GRIK1: variants seen among roughly 807,000 people sequenced by gnomAD.
GRIK1 encodes glutamate ionotropic receptor kainate type subunit 1.
Under a neutral mutation model 105.7 loss-of-function variants are expected in GRIK1, and 69 were observed. That is an observed-to-expected ratio of 0.65 (90% CI 0.54 to 0.80). The LOEUF (loss-of-function observed/expected upper bound fraction) is 0.80, where lower values mean the gene tolerates loss of function less well. GRIK1 is among the 30% of genes least tolerant of loss of function. The pLI is 0.00. For synonymous variants in GRIK1, 438 were observed against 431.3 expected (o/e 1.02, Z -0.19); for missense variants, 1,109 against 1,167.3 (o/e 0.95, Z 0.73).
chr21:29,891,437 A>G (rs530446312), intron 1 of GRIK1, among the ~76,000 whole-genome samples: 5 of 152,358 alleles, frequency 3.3e-5, no homozygotes, highest in African/African-American at 1.2e-4. Context: ...TTATAATCAC[A>G]ATGATAGCCT....
intron 7 of GRIK1, among the ~76,000 whole-genome samples, chr21:29,621,785 G>A (rs997451703): frequency 6.6e-6 from 1 of 152,072 alleles, no homozygotes; most frequent in African/African-American, 2.4e-5. Flanking sequence ...AAAATATAGT[G>A]CCCCACAGTA....
Position 29,858,836 on chromosome 21 carries a change from C to G in GRIK1, c.118+80547G>C, listed in dbSNP as rs577748724. Reference sequence around the variant, plus strand: ...CTGGCAGTCTCAGAAGTCATATACTCAAGGGGCCAAACACACAACTTCTTT... The same window carrying G: ...CTGGCAGTCTCAGAAGTCATATACTGAAGGGGCCAAACACACAACTTCTTT... On this transcript the variant is annotated intron_variant, in intron 1 of 17. Transcript: ENST00000327783. 7.0e-4 allele frequency among the ~76,000 whole-genome samples: 106 copies of G among 151,890 alleles called. 1 individual carries two copies. The highest frequency in any genetic ancestry group is 2.4e-3 in the African/African-American group (101 of 41,420).
intron 2 of GRIK1, among the ~76,000 whole-genome samples, chr21:29,691,654 A>C (rs1231769048): frequency 6.6e-6 from 1 of 152,232 alleles, no homozygotes; most frequent in Non-Finnish European, 1.5e-5. Flanking sequence ...CAAATTTAGA[A>C]CGGTCATCAG....
intron 1 of GRIK1, among the ~76,000 whole-genome samples, chr21:29,785,561 CAAA>C (rs950219193): frequency 1.5e-3 from 85 of 58,020 alleles, no homozygotes; most frequent in Non-Finnish European, 1.9e-3. Flanking sequence ...GAGACTGTCT[CAAA>C]AAAAAAAAAA....
intron 1 of GRIK1, among the ~76,000 whole-genome samples, chr21:29,860,350 G>C (rs763423868): frequency 6.6e-6 from 1 of 152,184 alleles, no homozygotes; most frequent in South Asian, 2.1e-4. Context: ...TCTGTCTTTT[G>C]GCTCAAGACA....
chr21:29,565,982 G>A (rs992489348), intron 14 of GRIK1, among the ~76,000 whole-genome samples: 2 of 152,140 alleles, frequency 1.3e-5, no homozygotes, highest in African/African-American at 2.4e-5. Context: ...TGCATGCCAC[G>A]CTCAGTAATG....
chr21:29,763,185 A>G (rs1167469067), intron 1 of GRIK1, among the ~76,000 whole-genome samples: 3 of 152,146 alleles, frequency 2.0e-5, no homozygotes, highest in African/African-American at 4.8e-5. Flanking sequence ...TCTCATGATA[A>G]TGCAGGAGTT....
At chr21:29,705,296 A>G (rs2063883564) in intron 1 of GRIK1, among the ~76,000 whole-genome samples, 1 of 152,204 alleles carries the variant, frequency 6.6e-6, no homozygotes, top group African/African-American at 2.4e-5. Context: ...TCTTATACAT[A>G]GAGAGTTTAG....
intron 7 of GRIK1, chr21:29,630,613 A>G (rs545326551): frequency 1.5e-5 from 7 of 471,258 alleles, no homozygotes; most frequent in Admixed American, 1.4e-4. Flanking sequence ...AGGACCTTGA[A>G]CCTAGAATGA....
At chr21:29,741,312 A>T (rs1330708371) in intron 1 of GRIK1, among the ~76,000 whole-genome samples, 2 of 152,216 alleles carry the variant, frequency 1.3e-5, no homozygotes, top group African/African-American at 4.8e-5. Context: ...ATGTTCAATC[A>T]TTGACAGGTT....
intron 6 of GRIK1, among the ~76,000 whole-genome samples, chr21:29,645,369 G>A (rs1011620480): frequency 6.6e-6 from 1 of 152,068 alleles, no homozygotes; most frequent in Non-Finnish European, 1.5e-5. Flanking sequence ...TTGAAAATTC[G>A]TATGTGTTTT....
chr21:29,805,422 A>G (rs1476576278), intron 1 of GRIK1, among the ~76,000 whole-genome samples: 1 of 152,138 alleles, frequency 6.6e-6, no homozygotes, highest in Non-Finnish European at 1.5e-5. Context: ...CTGATTCACC[A>G]TGAACTTCCA....
At chr21:29,937,851 G>C (rs886830969) in intron 1 of GRIK1, among the ~76,000 whole-genome samples, 41 of 151,206 alleles carry the variant, frequency 2.7e-4, no homozygotes, top group African/African-American at 9.0e-4. Context: ...AAAAACCCAG[G>C]ATGTTAAACC....
chr21:29,877,233 T>A (rs1250934992), intron 1 of GRIK1, among the ~76,000 whole-genome samples: 1 of 152,174 alleles, frequency 6.6e-6, no homozygotes, highest in East Asian at 1.9e-4. Context: ...AAATTTTCAT[T>A]GATGCTAGGC....
chr21:29,593,956 C>A (rs901219880), intron 9 of GRIK1, among the ~76,000 whole-genome samples: 1 of 152,284 alleles, frequency 6.6e-6, no homozygotes, highest in African/African-American at 2.4e-5. Context: ...TCAACTAAGT[C>A]CCAAGTCCTA....
chr21:29,590,284 T>C (rs1270808709), intron 10 of GRIK1, among the ~76,000 whole-genome samples: 1 of 152,206 alleles, frequency 6.6e-6, no homozygotes, highest in Non-Finnish European at 1.5e-5. Context: ...CACAAGTTAA[T>C]AATATCAACA....
chr21:29,780,509 T>C (rs960468927), intron 1 of GRIK1, among the ~76,000 whole-genome samples: 6 of 152,190 alleles, frequency 3.9e-5, no homozygotes, highest in African/African-American at 1.4e-4. Context: ...TGCTTAAGAT[T>C]TCATTTCACT....
chr21:29,767,169 A>C (rs1311506637), intron 1 of GRIK1, among the ~76,000 whole-genome samples: 1 of 152,248 alleles, frequency 6.6e-6, no homozygotes, highest in East Asian at 1.9e-4. Flanking sequence ...GAGAAAAATC[A>C]CAAAACCACT....
At chr21:29,580,136 T>C (rs530923593) in intron 13 of GRIK1, among the ~76,000 whole-genome samples, 66 of 143,988 alleles carry the variant, frequency 4.6e-4, no homozygotes, top group Non-Finnish European at 7.5e-4. Context: ...TACACACATA[T>C]ATATACATAT....
Sources: allele counts gnomAD v4.1 joint callset (sites outside exome capture counted in the v4.1 genomes callset), GRCh38; gene constraint gnomAD v4.1.1; transcripts MANE v1.5; gene names NCBI Gene and HGNC (gene_info 2026-07-23, HGNC 2026-07-21).